RORB: variants seen among roughly 807,000 people sequenced by gnomAD.
RORB encodes RAR related orphan receptor B.
Under a neutral mutation model 59.1 loss-of-function variants are expected in RORB, and 6 were observed. That is an observed-to-expected ratio of 0.10 (90% CI 0.06 to 0.20). The LOEUF (loss-of-function observed/expected upper bound fraction) is 0.20. RORB is among the 10% of genes least tolerant of loss of function. The probability of loss-of-function intolerance (pLI) is 1.00; values close to 1 mark genes in which losing one functional copy is unlikely to be tolerated. For missense variants in RORB, 320 were observed against 560.5 expected (o/e 0.57, Z 4.33); for synonymous variants, 215 against 204.5 (o/e 1.05, Z -0.44).
intron 1 of RORB, among the ~76,000 whole-genome samples, chr9:74,611,202 C>G (rs968395755): frequency 2.6e-5 from 4 of 152,080 alleles, no homozygotes; most frequent in Non-Finnish European, 5.9e-5. Flanking sequence ...AATCAACTCC[C>G]CCTTGCCTCT....
At chr9:74,512,362 CTG>C (rs1825950965) in intron 1 of RORB, among the ~76,000 whole-genome samples, 1 of 152,148 alleles carries the variant, frequency 6.6e-6, no homozygotes, top group Non-Finnish European at 1.5e-5. Flanking sequence ...TTCCTACACT[CTG>C]TGGTAAATGA....
chr9:74,539,984 G>C (rs1246309696), intron 1 of RORB, among the ~76,000 whole-genome samples: 3 of 151,882 alleles, frequency 2.0e-5, no homozygotes. Context: ...AAAGGGAAAA[G>C]GAAAGACTTT....
chr9:74,589,628 C>T (rs1451133141), intron 1 of RORB, among the ~76,000 whole-genome samples: 2 of 152,196 alleles, frequency 1.3e-5, no homozygotes, highest in South Asian at 2.1e-4. Flanking sequence ...CTTTTTCACA[C>T]TTAGATGCTT....
chr9:74,614,326 A>G (rs1452461662), intron 1 of RORB, among the ~76,000 whole-genome samples: 1 of 152,168 alleles, frequency 6.6e-6, no homozygotes, highest in Non-Finnish European at 1.5e-5. Flanking sequence ...ACCTTTGTGT[A>G]TGTTATGATT....
chr9:74,592,509 T>TAAG (rs1822914872), intron 1 of RORB, among the ~76,000 whole-genome samples: 1 of 152,124 alleles, frequency 6.6e-6, no homozygotes, highest in Non-Finnish European at 1.5e-5. Flanking sequence ...AATAGTTGAC[T>TAAG]TACATGCTGA....
intron 1 of RORB, among the ~76,000 whole-genome samples, chr9:74,592,983 G>T (rs775154540): frequency 3.3e-5 from 5 of 152,024 alleles, no homozygotes; most frequent in African/African-American, 1.2e-4. Context: ...TCCATAGACC[G>T]TTTCTTGGGC....
chr9:74,569,510 T>C (rs1243281923), intron 1 of RORB, among the ~76,000 whole-genome samples: 2 of 152,088 alleles, frequency 1.3e-5, no homozygotes, highest in East Asian at 1.9e-4. Flanking sequence ...AAAAAATATT[T>C]ACCTTGTATT....
At chr9:74,673,811 C>T (rs1341773857) in intron 9 of RORB, among the ~76,000 whole-genome samples, 54 of 152,320 alleles carry the variant, frequency 3.5e-4, no homozygotes, top group Non-Finnish European at 1.6e-4. Context: ...ATAAAATTGG[C>T]TAGAACCAGG....
At chr9:74,607,120 T>A (rs528820848) in intron 1 of RORB, among the ~76,000 whole-genome samples, 1 of 152,208 alleles carries the variant, frequency 6.6e-6, no homozygotes, top group African/African-American at 2.4e-5. Flanking sequence ...CGATGTTGCA[T>A]ATTCAGCAAC....
At chr9:74,674,324 A>T (rs1824398611) in intron 9 of RORB, among the ~76,000 whole-genome samples, 1 of 152,030 alleles carries the variant, frequency 6.6e-6, no homozygotes, top group Non-Finnish European at 1.5e-5. Flanking sequence ...CCCCTTGGGG[A>T]CTCCAGTGAA....
chr9:74,514,860 TAC>T (rs1825986201), intron 1 of RORB, among the ~76,000 whole-genome samples: 2 of 151,630 alleles, frequency 1.3e-5, no homozygotes, highest in Middle Eastern at 3.4e-3. Flanking sequence ...TATAATTCAA[TAC>T]AGTTATTTCA....
At chr9:74,633,681 C>A (rs1429515004) in intron 2 of RORB, among the ~76,000 whole-genome samples, 1 of 152,090 alleles carries the variant, frequency 6.6e-6, no homozygotes, top group Non-Finnish European at 1.5e-5. Flanking sequence ...AAGGAGAAAT[C>A]TTTTAAAAAT....
chr9:74,600,517 G>A (rs1010888153), intron 1 of RORB, among the ~76,000 whole-genome samples: 1 of 152,120 alleles, frequency 6.6e-6, no homozygotes, highest in African/African-American at 2.4e-5. Flanking sequence ...TGGGATCACT[G>A]ATGGGCTGCA....
At chr9:74,639,104 T>C (rs1303639566) in intron 3 of RORB, among the ~76,000 whole-genome samples, 1 of 152,232 alleles carries the variant, frequency 6.6e-6, no homozygotes, top group African/African-American at 2.4e-5. Flanking sequence ...GATTTCTGTG[T>C]CCATCAGCTG....
intron 9 of RORB, among the ~76,000 whole-genome samples, chr9:74,674,826 T>G (rs2118555376): frequency 6.6e-6 from 1 of 152,302 alleles, no homozygotes; most frequent in Non-Finnish European, 1.5e-5. Context: ...CATAGCGTAT[T>G]TATAATAAAC....
intron 1 of RORB, among the ~76,000 whole-genome samples, chr9:74,520,125 A>G (rs561947967): frequency 5.9e-5 from 9 of 152,030 alleles, no homozygotes; most frequent in Admixed American, 1.3e-4. Context: ...ATTTTTTCCA[A>G]TGCTGTACAA....
rs531972582 is a variant in RORB at position 74,545,631 on chromosome 9, G to C, written c.7+47648G>C. Among the ~76,000 whole-genome samples, 6 of 152,236 alleles carry C rather than the reference G, an allele frequency of 3.9e-5. No homozygotes were observed. The South Asian group carries it at 1.2e-3, about 32-fold the overall frequency. Reference sequence around the variant, plus strand: ...CAGAAAGATGAGAAGGTTGGAGAGAGGTGGTAGAAAACTAATCTGATTAGG... The same window carrying C: ...CAGAAAGATGAGAAGGTTGGAGAGACGTGGTAGAAAACTAATCTGATTAGG... On this transcript the variant is annotated intron_variant, in intron 1 of 9. Transcript: ENST00000376896.
At position 74,511,969 on chromosome 9, in the gene RORB, A is replaced by G. The variant is rs566608145; in HGVS notation, c.7+13986A>G. On this transcript the variant is annotated intron_variant, in intron 1 of 9. Transcript: ENST00000376896. ...TTACAGTTCACAATAGGTACTAGAA[A>G]TGGCAATAATAAAAGTGATAACAAT... 3.3e-5 allele frequency among the ~76,000 whole-genome samples: 5 copies of G among 151,986 alleles called. No homozygotes were observed. The East Asian group carries it at 9.7e-4, about 29-fold the overall frequency.
intron 3 of RORB, among the ~76,000 whole-genome samples, chr9:74,635,572 G>A (rs17613537): frequency 0.24 from 36,292 of 152,056 alleles, 4,380 homozygotes; most frequent in South Asian, 0.31. Context: ...TACAGTGAGT[G>A]GCCCTGAATC....
Sources: allele counts gnomAD v4.1 joint callset (sites outside exome capture counted in the v4.1 genomes callset), GRCh38; gene constraint gnomAD v4.1.1; transcripts MANE v1.5; gene names NCBI Gene and HGNC (gene_info 2026-07-23, HGNC 2026-07-21).